PUDP: variants seen among roughly 807,000 people sequenced by gnomAD.
PUDP encodes pseudouridine-5'-phosphatase.
PUDP carries 8 observed loss-of-function variants against 9.4 expected under a neutral mutation model. The observed-to-expected ratio is 0.85, with a 90% CI of 0.50 to 1.53. PUDP has a LOEUF of 1.53. Ranked by LOEUF, PUDP falls within the 40% of genes most tolerant of loss-of-function variation. The probability of loss-of-function intolerance (pLI) is 0.00; values close to 1 mark genes in which losing one functional copy is unlikely to be tolerated. For synonymous variants in PUDP, 99 were observed against 80.7 expected, an observed-to-expected ratio of 1.23 and a Z score of -1.22; for missense variants, 188 against 189.7, an observed-to-expected ratio of 0.99 and a Z score of 0.05.
chrX:6,728,506 G>A (rs933078555), intron 3 of PUDP, among the ~76,000 whole-genome samples: 1 of 111,672 alleles, frequency 9.0e-6, no homozygotes, highest in African/African-American at 3.3e-5. Context: ...CAATTTTCCC[G>A]AAACTGTTCT....
At chrX:7,128,198 C>T (rs759812272) in intron 1 of PUDP, among the ~76,000 whole-genome samples, 1 of 110,749 alleles carries the variant, frequency 9.0e-6, no homozygotes, top group South Asian at 3.9e-4. Context: ...TGCACCACCA[C>T]ACCCAGCTGA....
At chrX:6,988,550 C>T (rs1214710742) in intron 1 of PUDP, among the ~76,000 whole-genome samples, 1 of 112,082 alleles carries the variant, frequency 8.9e-6, no homozygotes, top group Non-Finnish European at 1.9e-5. Context: ...TTAACTTCTT[C>T]TAATCCATAA....
chrX:6,977,753 C>T (rs1184350589), intron 2 of PUDP, among the ~76,000 whole-genome samples: 1 of 112,377 alleles, frequency 8.9e-6, no homozygotes, highest in African/African-American at 3.2e-5. Flanking sequence ...GGCTAAAATG[C>T]TGATACCTTT....
At chrX:6,718,250 C>T (rs769445486) in intron 1 of PUDP, among the ~76,000 whole-genome samples, 1 of 111,606 alleles carries the variant, frequency 9.0e-6, no homozygotes, top group South Asian at 3.7e-4. Context: ...AGGGTATATA[C>T]CCAAAGGAAT....
intron 3 of PUDP, among the ~76,000 whole-genome samples, chrX:7,051,400 G>A (rs1455455740): frequency 9.0e-6 from 1 of 111,120 alleles, no homozygotes; most frequent in Admixed American, 9.5e-5. Flanking sequence ...GCGGGGTGAG[G>A]AAGAAAAGAC....
intron 1 of PUDP, among the ~76,000 whole-genome samples, chrX:7,000,957 T>C (rs1929317332): frequency 9.2e-6 from 1 of 108,387 alleles, no homozygotes; most frequent in Admixed American, 9.9e-5. Flanking sequence ...AAATTCTAGC[T>C]CAATAAAATA....
chrX:7,054,298 T>C (rs1048373162), intron 3 of PUDP, among the ~76,000 whole-genome samples: 5 of 110,860 alleles, frequency 4.5e-5, no homozygotes, highest in African/African-American at 1.6e-4. Context: ...TATTCCCAGC[T>C]ACTCTGGAAG....
intron 2 of PUDP, among the ~76,000 whole-genome samples, chrX:7,101,927 C>T (rs1340421052): frequency 1.8e-5 from 2 of 111,561 alleles, no homozygotes; most frequent in African/African-American, 3.3e-5. Flanking sequence ...TAAAAGAATT[C>T]CTAGAAACAC....
At chrX:6,929,871 C>T (rs5934247) in intron 3 of PUDP, among the ~76,000 whole-genome samples, 45,256 of 110,480 alleles carry the variant, frequency 0.41, 6,720 homozygotes, top group Middle Eastern at 0.43. Context: ...GCTTTTCCTG[C>T]CCCCAGTCCT....
At chrX:6,995,019 AG>A (rs1276496378) in intron 1 of PUDP, among the ~76,000 whole-genome samples, 1 of 111,900 alleles carries the variant, frequency 8.9e-6, no homozygotes, top group Non-Finnish European at 1.9e-5. Context: ...AATGACAGGA[AG>A]GGCACAAAAC....
At chrX:6,713,366 A>G (rs1924556162) in intron 1 of PUDP, among the ~76,000 whole-genome samples, 1 of 112,103 alleles carries the variant, frequency 8.9e-6, no homozygotes, top group African/African-American at 3.2e-5. Context: ...AGTGATATGC[A>G]TTGAGTAGAA....
chrX:7,117,117 C>T, intron 1 of PUDP: 1 of 1,107,146 alleles, frequency 9.0e-7, no homozygotes, highest in Admixed American at 2.9e-5. Flanking sequence ...GCAAGCACGG[C>T]CTAATACAGA....
At chrX:7,125,219 T>C (rs1932453840) in intron 1 of PUDP, among the ~76,000 whole-genome samples, 1 of 111,543 alleles carries the variant, frequency 9.0e-6, no homozygotes, top group Non-Finnish European at 1.9e-5. Flanking sequence ...GCCTTCGTTA[T>C]TGCTACAGAA....
rs139873674 is a variant in PUDP at position 6,752,689 on chromosome X, G to C, written c.*248-46223C>G. ...CTTTGGATATAAGAAATAAGAAGGAGGGAAGGATAGGAATGTTTCCTAGAT... is the reference window on the plus strand; with the variant it reads ...CTTTGGATATAAGAAATAAGAAGGACGGAAGGATAGGAATGTTTCCTAGAT... On this transcript the variant is annotated intron_variant and NMD_transcript_variant, in intron 3 of 3. Transcript: ENST00000655425. Among the ~76,000 whole-genome samples the C allele has an allele frequency of 4.9e-3, 546 of 111,031 alleles. 2 individuals are homozygous for C. The highest frequency in any genetic ancestry group is 0.017 in the African/African-American group (518 of 30,545).
At chrX:6,982,023 TACAC>T (rs59016698) in intron 1 of PUDP, among the ~76,000 whole-genome samples, 1,895 of 86,963 alleles carry the variant, frequency 0.022, 33 homozygotes, top group South Asian at 0.055. Context: ...AACTTATGGA[TACAC>T]ACACACACAC....
At chrX:6,752,781 G>T (rs748636966) in intron 3 of PUDP, among the ~76,000 whole-genome samples, 1 of 111,027 alleles carries the variant, frequency 9.0e-6, no homozygotes, top group East Asian at 2.8e-4. Context: ...GGAAGAAGAG[G>T]GAAAAGATAT....
At chrX:7,132,188 GAA>G (rs1411414870) in intron 1 of PUDP, among the ~76,000 whole-genome samples, 4 of 111,115 alleles carry the variant, frequency 3.6e-5, no homozygotes, top group African/African-American at 1.3e-4. Context: ...GTCCTGCTGT[GAA>G]AAGTCAGTCG....
At chrX:7,071,018 T>A (rs1406577739) in intron 3 of PUDP, among the ~76,000 whole-genome samples, 1 of 112,512 alleles carries the variant, frequency 8.9e-6, no homozygotes, top group Non-Finnish European at 1.9e-5. Context: ...TTGGGACATA[T>A]GCAATGTACG....
At chrX:7,080,138 G>A (rs1369776233) in intron 2 of PUDP, among the ~76,000 whole-genome samples, 1 of 111,700 alleles carries the variant, frequency 9.0e-6, no homozygotes, top group Non-Finnish European at 1.9e-5. Context: ...CAGGGAAAGA[G>A]GGGACAGACA....
Sources: allele counts gnomAD v4.1 joint callset (sites outside exome capture counted in the v4.1 genomes callset), GRCh38; gene constraint gnomAD v4.1.1; transcripts MANE v1.5; gene names NCBI Gene and HGNC (gene_info 2026-07-23, HGNC 2026-07-21).